Variants in DPP6 observed in about 807,000 individuals in gnomAD.
DPP6 encodes the protein dipeptidyl peptidase like 6, also known as A-type potassium channel modulatory protein DPP6.
Under a neutral mutation model 122.6 loss-of-function variants are expected in DPP6, and 69 were observed. The observed-to-expected ratio is 0.56, with a 90% CI of 0.46 to 0.69. The LOEUF is 0.69. Among genes scored for constraint, DPP6 ranks in the 30% least tolerant of loss-of-function variants. The probability of loss-of-function intolerance (pLI) is 0.00; values close to 1 mark genes in which losing one functional copy is unlikely to be tolerated. For missense variants in DPP6, 928 were observed against 1,116.9 expected (o/e 0.83, Z 2.41); for synonymous variants, 418 against 433.1 (o/e 0.97, Z 0.43).
chr7:153,896,718 C>T (rs1799429736), intron 1 of DPP6, among the ~76,000 whole-genome samples: 2 of 152,174 alleles, frequency 1.3e-5, no homozygotes, highest in African/African-American at 2.4e-5. Context: ...GAGGCTGAGG[C>T]AGGAGGATCT....
intron 1 of DPP6, among the ~76,000 whole-genome samples, chr7:154,042,709 CAATG>C (rs1210118222): frequency 6.6e-6 from 1 of 152,174 alleles, no homozygotes; most frequent in African/African-American, 2.4e-5. Flanking sequence ...GCCCCCTTCT[CAATG>C]AAGATTTTAA....
At chr7:154,710,814 C>T (rs1050582121) in intron 7 of DPP6, among the ~76,000 whole-genome samples, 21 of 152,226 alleles carry the variant, frequency 1.4e-4, no homozygotes, top group Admixed American at 6.5e-5. Context: ...GGCACAGTCT[C>T]CAGTGAAGAC....
chr7:154,805,302 C>T (rs1420439257), intron 15 of DPP6, among the ~76,000 whole-genome samples: 3 of 152,144 alleles, frequency 2.0e-5, no homozygotes. Flanking sequence ...CCTGCCCCAC[C>T]ACAGATTTTT....
At chr7:153,967,492 C>T (rs1479097424) in intron 1 of DPP6, among the ~76,000 whole-genome samples, 2 of 152,130 alleles carry the variant, frequency 1.3e-5, no homozygotes, top group African/African-American at 4.8e-5. Context: ...CCAAGCCTGC[C>T]TTGTAGTGAT....
At chr7:153,924,611 A>T (rs1800803105) in intron 1 of DPP6, among the ~76,000 whole-genome samples, 2 of 152,170 alleles carry the variant, frequency 1.3e-5, no homozygotes, top group South Asian at 4.1e-4. Flanking sequence ...GGGAATGTGG[A>T]TCTGCTTTTA....
chr7:153,754,103 C>T, the DPP6 span, among the ~76,000 whole-genome samples: 1 of 152,100 alleles, frequency 6.6e-6, no homozygotes, highest in East Asian at 1.9e-4. Flanking sequence ...AGCCTTCTTA[C>T]CTTCTACTTC....
At chr7:154,391,552 A>G (rs1814618599) in intron 1 of DPP6, among the ~76,000 whole-genome samples, 1 of 152,206 alleles carries the variant, frequency 6.6e-6, no homozygotes, top group Non-Finnish European at 1.5e-5. Flanking sequence ...TACAGGGAAC[A>G]CTGCCTCCCT....
At chr7:154,233,103 G>A (rs1480274386) in intron 1 of DPP6, among the ~76,000 whole-genome samples, 2 of 152,352 alleles carry the variant, frequency 1.3e-5, no homozygotes, top group Admixed American at 1.3e-4. Context: ...GGAATAAACT[G>A]TGTAGATAGT....
intron 6 of DPP6, among the ~76,000 whole-genome samples, chr7:154,644,771 C>G (rs1237729628): frequency 2.0e-5 from 3 of 146,880 alleles, no homozygotes; most frequent in Admixed American, 1.4e-4. Flanking sequence ...TGCAGTGGCG[C>G]GATCTCGGCT....
chr7:154,242,485 G>A (rs576887028), intron 1 of DPP6, among the ~76,000 whole-genome samples: 2 of 152,270 alleles, frequency 1.3e-5, no homozygotes, highest in South Asian at 4.1e-4. Flanking sequence ...AGAGTGACTG[G>A]CATTGGGCAT....
intron 1 of DPP6, among the ~76,000 whole-genome samples, chr7:154,310,830 C>A (rs1585897266): frequency 6.6e-6 from 1 of 152,254 alleles, no homozygotes; most frequent in East Asian, 1.9e-4. Context: ...TGAACGGTCA[C>A]CGTCTCTGCC....
At chr7:154,672,370 C>T (rs187817849) in intron 7 of DPP6, among the ~76,000 whole-genome samples, 4 of 152,340 alleles carry the variant, frequency 2.6e-5, no homozygotes, top group Admixed American at 1.3e-4. Context: ...GTTTCATCTT[C>T]GTATTCTAAC....
At chr7:154,322,427 A>G (rs1365421751) in intron 1 of DPP6, among the ~76,000 whole-genome samples, 1 of 152,202 alleles carries the variant, frequency 6.6e-6, no homozygotes, top group Non-Finnish European at 1.5e-5. Context: ...TGGGCAAAAG[A>G]GTCAACTACC....
At chr7:154,697,814 C>T (rs913434920) in intron 7 of DPP6, among the ~76,000 whole-genome samples, 1 of 152,150 alleles carries the variant, frequency 6.6e-6, no homozygotes, top group African/African-American at 2.4e-5. Context: ...CCATGGCGTG[C>T]GCGGCTCTGT....
chr7:154,664,863 A>T (rs925738170), intron 6 of DPP6, among the ~76,000 whole-genome samples: 3 of 152,172 alleles, frequency 2.0e-5, no homozygotes, highest in African/African-American at 7.2e-5. Context: ...TTCTCATGTC[A>T]CCACTCCTAG....
At chr7:154,670,479 G>C (rs571278458) in intron 7 of DPP6, among the ~76,000 whole-genome samples, 5 of 152,184 alleles carry the variant, frequency 3.3e-5, no homozygotes, top group African/African-American at 1.2e-4. Context: ...TGGATAATAC[G>C]GTCCTTCAGG....
chr7:154,360,161 G>A (rs979641380), intron 1 of DPP6, among the ~76,000 whole-genome samples: 1 of 152,108 alleles, frequency 6.6e-6, no homozygotes, highest in African/African-American at 2.4e-5. Context: ...TTTAGAAGTT[G>A]GAATAGTGTG....
chr7:154,259,494 A>C (rs1253362868), intron 1 of DPP6, among the ~76,000 whole-genome samples: 1 of 152,220 alleles, frequency 6.6e-6, no homozygotes, highest in Non-Finnish European at 1.5e-5. Context: ...TGACCTAAGC[A>C]AAGTCAGAGA....
At chr7:154,535,396 T>A (rs1428990497) in intron 3 of DPP6, among the ~76,000 whole-genome samples, 6 of 151,738 alleles carry the variant, frequency 4.0e-5, no homozygotes, top group Admixed American at 6.6e-5. Flanking sequence ...ATTTTTTTTT[T>A]TTATTATTAT....
Sources: allele counts gnomAD v4.1 joint callset (sites outside exome capture counted in the v4.1 genomes callset), GRCh38; gene constraint gnomAD v4.1.1; transcripts MANE v1.5; gene names NCBI Gene and HGNC (gene_info 2026-07-23, HGNC 2026-07-21).